The following PPP1R16A variants were observed in gnomAD, a reference collection of about 807,000 sequenced individuals.
PPP1R16A encodes the protein myosin phosphatase-targeting subunit 3.
PPP1R16A carries 39 observed loss-of-function variants against 46.6 expected under a neutral mutation model. That is an observed-to-expected ratio of 0.84 (90% CI 0.65 to 1.09). The LOEUF (loss-of-function observed/expected upper bound fraction) is 1.09, where lower values mean the gene tolerates loss of function less well. Among genes scored for constraint, PPP1R16A ranks in the 50% least tolerant of loss-of-function variants. PPP1R16A has a pLI of 0.00. For missense variants in PPP1R16A, 798 were observed against 735.6 expected (o/e 1.08, Z -0.98); for synonymous variants, 413 against 321.5 (o/e 1.28, Z -3.04).
Position 144,500,537 on chromosome 8 carries a change from G to C in PPP1R16A, c.756G>C (p.Leu252=). 6.3e-7 allele frequency: 1 copy of C among 1,595,188 alleles called. No homozygotes were observed. Among genetic ancestry groups the C allele is most frequent in the Non-Finnish European group, 8.5e-7 (1 of 1,178,332 alleles). Residue 252 remains leucine (L), a synonymous_variant, in exon 8 of 12, where the codon CTG becomes CTC. Coordinates refer to ENST00000435887, the MANE Select transcript of PPP1R16A (RefSeq NM_001329443.2). ...NGFSEAAALL[L]EHRASLSAKD... The stretch of plus-strand genomic sequence containing the variant: ...TCAGCGAGGCGGCTGCCCTGCTGCT[G>C]GAACACCGAGCCAGCCTGAGCGCTA...
At position 144,493,502 on chromosome 8, in the gene PPP1R16A, G is replaced by T. The variant is rs1385770635; in HGVS notation, c.-734-2959G>T. Among the ~76,000 whole-genome samples the T allele has an allele frequency of 1.3e-5, 2 of 152,210 alleles. No individual in the cohort carries two copies. Among genetic ancestry groups the T allele is most frequent in the Non-Finnish European group, 2.9e-5 (2 of 68,018 alleles). On this transcript the variant is annotated intron_variant, in intron 2 of 11. Coordinates refer to ENST00000435887, the MANE Select transcript of PPP1R16A (RefSeq NM_001329443.2). This position sits in a 1 kb window ranked among gnomAD's most constrained non-coding sequence, Gnocchi z 4.3. ...CTGGTCCATCTTGTGGCTGGGAGGA[G>T]TAGACAAAGCTTCCACTAGAAGTTC...
rs1250863961 is a variant in PPP1R16A at position 144,498,812 on chromosome 8, A to G, written c.302A>G (p.Asn101Ser). The change falls in exon 4 of 12, where the codon AAC becomes AGC. Residue 101 changes from asparagine (N) to serine (S), a missense_variant. By Grantham distance (46) the Asn-to-Ser change is conservative (BLOSUM62 1). Transcript: ENST00000435887. ...LGSGVSPDLA[N>S]EDGLTALHQC... is the part of the protein sequence containing the mutation. ...AGTGGGGTCAGCCCTGACTTGGCCA[A>G]CGAGGACGGCCTGACGGCCCTGCAC... 2.5e-6 allele frequency: 4 copies of G among 1,604,528 alleles called. No individual in the cohort carries two copies. Among genetic ancestry groups the G allele is most frequent in the Non-Finnish European group, 3.4e-6 (4 of 1,173,144 alleles).
chr8:144,480,893 G>A (rs4925826), intron 1 of PPP1R16A, among the ~76,000 whole-genome samples: 60,617 of 151,050 alleles, frequency 0.4, 13,460 homozygotes, highest in South Asian at 0.57. Flanking sequence ...TTTGTTTGAT[G>A]GGTTTTTTTT....
At chr8:144,484,881 T>C (rs189282490) in intron 1 of PPP1R16A, among the ~76,000 whole-genome samples, 5 of 152,288 alleles carry the variant, frequency 3.3e-5, no homozygotes, top group Non-Finnish European at 7.4e-5. Context: ...TAATGATTTG[T>C]GTTTGTAGAT....
intron 3 of PPP1R16A, 89 bp downstream of exon 3, chr8:144,497,542 G>T (rs1159309557): frequency 6.4e-7 from 1 of 1,558,780 alleles, no homozygotes; most frequent in African/African-American, 1.3e-5. Context: ...TGGGGGCTGG[G>T]CCTGTCCACA....
intron 2 of PPP1R16A, among the ~76,000 whole-genome samples, chr8:144,494,360 C>T (rs923967699): frequency 6.6e-6 from 1 of 152,016 alleles, no homozygotes; most frequent in African/African-American, 2.4e-5. Context: ...GTCTGCCAGG[C>T]TGGAGTGCAG....
Position 144,501,547 on chromosome 8 carries a change from C to T in PPP1R16A, c.1231C>T (p.His411Tyr), listed in dbSNP as rs775101850. The T allele has an allele frequency of 3.8e-6, 6 of 1,582,972 alleles. No individual in the cohort carries two copies. Among genetic ancestry groups the T allele is most frequent in the Admixed American group, 1.8e-5 (1 of 56,216 alleles). ...EEDNPEVVRP[H>Y]NGRVGGSPVR... Reference sequence around the variant, plus strand: ...GGACAACCCCGAAGTGGTCAGGCCGCACAATGGCCGAGTAGGGGGCTCCCC... The same window carrying T: ...GGACAACCCCGAAGTGGTCAGGCCGTACAATGGCCGAGTAGGGGGCTCCCC... The change falls in exon 12 of 12, where the codon CAC (histidine) becomes TAC (tyrosine). Residue 411 changes from histidine (H) to tyrosine (Y), a missense_variant. Coordinates refer to ENST00000435887, the MANE Select transcript of PPP1R16A (RefSeq NM_001329443.2).
chr8:144,496,206 G>A (rs904638584), intron 2 of PPP1R16A: 2 of 152,418 alleles, frequency 1.3e-5, no homozygotes, highest in Non-Finnish European at 2.9e-5. Context: ...TTCTGGAAAG[G>A]GTGGGTGGGA....
chr8:144,500,079 G>A lies in PPP1R16A; in HGVS notation c.477-17G>A, dbSNP rs887728619. 4.4e-6 allele frequency: 7 copies of A among 1,596,052 alleles called. No homozygotes were observed. The highest frequency in any genetic ancestry group is 2.3e-5 in the East Asian group (1 of 43,542). ...GGAAGGGCCTTGTGCCCAGCACCCCGTCCGTCTTCCCTGCAGTGGCGCCAA... is the reference window on the plus strand; with the variant it reads ...GGAAGGGCCTTGTGCCCAGCACCCCATCCGTCTTCCCTGCAGTGGCGCCAA... On this transcript the variant is annotated splice_polypyrimidine_tract_variant and intron_variant, in intron 5 of 11. Transcript: ENST00000435887.
intron 5 of PPP1R16A, 100 bp downstream of exon 5, chr8:144,499,161 G>A: frequency 7.2e-7 from 1 of 1,395,674 alleles, no homozygotes. Flanking sequence ...GGCCTCCTGT[G>A]TTCCCGCCTT....
chr8:144,500,434 G>A (rs772483757), intron 7 of PPP1R16A, 43 bp downstream of exon 7: 51 of 1,527,742 alleles, frequency 3.3e-5, no homozygotes, highest in Non-Finnish European at 4.3e-5. Flanking sequence ...TGGGGGCCTC[G>A]CTACTTGGAG....
At chr8:144,498,522 G>C in intron 3 of PPP1R16A, 1 of 516,644 alleles carries the variant, frequency 1.9e-6, no homozygotes. Flanking sequence ...GCCTGTTCTG[G>C]GGGTCGGAGG....
intron 1 of PPP1R16A, among the ~76,000 whole-genome samples, chr8:144,479,991 C>A (rs574638703): frequency 6.6e-6 from 1 of 152,264 alleles, no homozygotes. Context: ...CAGGAACTGG[C>A]CAAGTTCTTA....
rs536736792 is a variant in PPP1R16A, at chr8:144,484,988, G to A, written c.-913-5046G>A. Among the ~76,000 whole-genome samples, 27 of 152,230 alleles carry A rather than the reference G, an allele frequency of 1.8e-4. No individual in the cohort carries two copies. The Middle Eastern group carries it at 0.01, about 58-fold the overall frequency. ...CACTGAGATCACTGGGAAAGAGGCC[G>A]GGTGCGTGGCTCACGCCTGTCATCC... is the stretch of plus-strand genomic sequence containing the variant. On this transcript the variant is annotated intron_variant, in intron 1 of 11. Transcript: ENST00000435887.
At position 144,501,943 on chromosome 8, in the gene PPP1R16A, G is replaced by C. The variant is rs1050987983; in HGVS notation, c.*40G>C. ...ATGCAGGGGCCCTGTCGCGGGCACA[G>C]CCCAAGGCTGCCTCCCCACGGTGCG... On this transcript the variant is annotated 3_prime_UTR_variant, in exon 12 of 12. Transcript: ENST00000435887. 2 of 1,466,676 alleles carry C rather than the reference G, an allele frequency of 1.4e-6. No individual in the cohort carries two copies. The highest frequency in any genetic ancestry group is 4.7e-5 in the Admixed American group (2 of 42,488). 90.9% of individuals were successfully genotyped at this position (1,466,676 alleles called of 1,614,324 possible). A position where few individuals can be genotyped will look rare whatever the true frequency, so the allele number is the denominator to read the frequency against.
At position 144,501,975 on chromosome 8, in the gene PPP1R16A, G is replaced by T. The variant is rs1054383168; in HGVS notation, c.*72G>T. ...GCTGCCTCCCCACGGTGCGTGCCCT[G>T]GTGCTGCGGGTGCAGCACGGAAACC... On this transcript the variant is annotated 3_prime_UTR_variant, in exon 12 of 12. Transcript: ENST00000435887. 6 of 1,408,606 alleles carry T rather than the reference G, an allele frequency of 4.3e-6. No homozygotes were observed. Among genetic ancestry groups the T allele is most frequent in the Non-Finnish European group, 5.6e-6 (6 of 1,072,796 alleles). 87.3% of individuals were successfully genotyped at this position (1,408,606 alleles called of 1,614,324 possible). A position where few individuals can be genotyped will look rare whatever the true frequency, so the allele number is the denominator to read the frequency against.
intron 5 of PPP1R16A, 26 bp downstream of exon 5, chr8:144,499,087 A>G (rs1363032381): frequency 1.9e-6 from 3 of 1,553,194 alleles, no homozygotes; most frequent in South Asian, 2.3e-5. Context: ...CGTCCTTGGC[A>G]GGGAGAGGCT....
rs1826269733 is a variant in PPP1R16A, at chr8:144,499,274, A to G, written c.476+213A>G. 4 of 616,910 alleles carry G rather than the reference A, an allele frequency of 6.5e-6. No individual in the cohort carries two copies. The South Asian group carries it at 7.9e-5, about 12-fold the overall frequency. 38.2% of individuals were successfully genotyped at this position (616,910 alleles called of 1,614,324 possible). On this transcript the variant is annotated intron_variant, in intron 5 of 11. Coordinates refer to ENST00000435887, the MANE Select transcript of PPP1R16A (RefSeq NM_001329443.2). ...GCAGCGCGGTCCCTGCCTCCCCAGC[A>G]TTCGTCCTCCTGCCGAGAGGGCAGG... is the stretch of plus-strand genomic sequence containing the variant.
At chr8:144,495,659 A>G (rs1047685685) in intron 2 of PPP1R16A, 3 of 152,194 alleles carry the variant, frequency 2.0e-5, no homozygotes, top group African/African-American at 4.8e-5. Context: ...GATGGTCTCG[A>G]TCTCCTGACC....
Sources: allele counts gnomAD v4.1 joint callset (sites outside exome capture counted in the v4.1 genomes callset), GRCh38; gene constraint gnomAD v4.1.1; non-coding constraint Gnocchi (gnomAD v3.1); transcripts MANE v1.5; gene names NCBI Gene and HGNC (gene_info 2026-07-23, HGNC 2026-07-21).